The following GNAQ variants were observed in gnomAD, a reference collection of about 807,000 sequenced individuals.
GNAQ encodes the protein G protein subunit alpha q.
In GNAQ, 8 loss-of-function variants were observed where a neutral mutation model predicts 43.9. The ratio of observed to expected loss-of-function variants is 0.18; its 90% CI spans 0.11 to 0.33. The LOEUF (loss-of-function observed/expected upper bound fraction) is 0.33. Among genes scored for constraint, GNAQ ranks in the 10% least tolerant of loss-of-function variants. The probability of loss-of-function intolerance (pLI) is 1.00; values close to 1 mark genes in which losing one functional copy is unlikely to be tolerated. For synonymous variants in GNAQ, 155 were observed against 170.7 expected, an observed-to-expected ratio of 0.91 and a Z score of 0.71; for missense variants, 158 against 450.8, an observed-to-expected ratio of 0.35 and a Z score of 5.88.
chr9:77,932,902 G>T (rs1363001140), intron 1 of GNAQ, among the ~76,000 whole-genome samples: 1 of 152,150 alleles, frequency 6.6e-6, no homozygotes, highest in African/African-American at 2.4e-5. Flanking sequence ...GTCTGTGTGG[G>T]GCTGACAAGG....
chr9:77,939,099 C>T (rs577796480), intron 1 of GNAQ, among the ~76,000 whole-genome samples: 2 of 152,304 alleles, frequency 1.3e-5, no homozygotes, highest in African/African-American at 4.8e-5. Flanking sequence ...GTTTATCCCA[C>T]CTTCCAGTGT....
intron 1 of GNAQ, 137 bp from the exon 2 acceptor site, chr9:77,922,482 T>C (rs1829013679): frequency 4.7e-6 from 3 of 635,872 alleles, no homozygotes; most frequent in Non-Finnish European, 8.4e-6. Flanking sequence ...TTGGAAACAC[T>C]ACCTATGGTG....
At chr9:77,890,272 GTTTGACTGAAAGAC>G (rs945696613) in intron 2 of GNAQ, among the ~76,000 whole-genome samples, 1 of 152,174 alleles carries the variant, frequency 6.6e-6, no homozygotes, top group Non-Finnish European at 1.5e-5. Flanking sequence ...AAACTTGAGA[GTTTGACTGAAAGAC>G]TTCATAATAA....
intron 1 of GNAQ, among the ~76,000 whole-genome samples, chr9:77,959,224 G>A (rs1823078297): frequency 6.6e-6 from 1 of 152,076 alleles, no homozygotes; most frequent in South Asian, 2.1e-4. Flanking sequence ...TACTCACATT[G>A]TCCTGTCATT....
chr9:77,967,296 C>T (rs112592800), intron 1 of GNAQ, among the ~76,000 whole-genome samples: 3 of 152,222 alleles, frequency 2.0e-5, no homozygotes, highest in African/African-American at 7.2e-5. Flanking sequence ...GTGGCCACTC[C>T]GTGCTTTTAA....
At chr9:77,775,538 T>C (rs1459814378) in intron 5 of GNAQ, among the ~76,000 whole-genome samples, 1 of 151,654 alleles carries the variant, frequency 6.6e-6, no homozygotes, top group Non-Finnish European at 1.5e-5. Context: ...GCCTCCCGAG[T>C]AGCTGGGACT....
chr9:77,936,453 G>A (rs115394489), intron 1 of GNAQ, among the ~76,000 whole-genome samples: 2,206 of 152,014 alleles, frequency 0.015, 53 homozygotes, highest in African/African-American at 0.05. Flanking sequence ...AAAACGATCA[G>A]AAACCAACTG....
At chr9:77,909,287 T>C (rs1338821102) in intron 2 of GNAQ, among the ~76,000 whole-genome samples, 1 of 152,172 alleles carries the variant, frequency 6.6e-6, no homozygotes, top group African/African-American at 2.4e-5. Context: ...ATTAATACAA[T>C]CAAACAGCTA....
chr9:77,855,786 T>C (rs903018785), intron 2 of GNAQ, among the ~76,000 whole-genome samples: 1 of 152,126 alleles, frequency 6.6e-6, no homozygotes, highest in Admixed American at 6.6e-5. Context: ...CCTCTGCCAT[T>C]TGCTATAAAA....
chr9:77,748,172 C>T (rs759552100), intron 5 of GNAQ, among the ~76,000 whole-genome samples: 6 of 152,098 alleles, frequency 3.9e-5, no homozygotes, highest in South Asian at 4.1e-4. Flanking sequence ...GACATAATAA[C>T]GGAATAAATA....
At chr9:77,870,438 C>T (rs1463851382) in intron 2 of GNAQ, among the ~76,000 whole-genome samples, 3 of 149,002 alleles carry the variant, frequency 2.0e-5, no homozygotes, top group Admixed American at 6.8e-5. Flanking sequence ...TCACGTCATT[C>T]TCCTGCCTCA....
intron 1 of GNAQ, among the ~76,000 whole-genome samples, chr9:77,945,519 A>T (rs1388781822): frequency 6.6e-6 from 1 of 152,214 alleles, no homozygotes; most frequent in Non-Finnish European, 1.5e-5. Context: ...AGGAAAACAG[A>T]AAAAGCCTTC....
At chr9:77,780,895 CTG>C (rs1184105330) in intron 5 of GNAQ, among the ~76,000 whole-genome samples, 5 of 149,694 alleles carry the variant, frequency 3.3e-5, no homozygotes, top group African/African-American at 7.3e-5. Context: ...TATTTGTTGA[CTG>C]TGTGTCTTCC....
Position 78,023,375 on chromosome 9 carries a change from G to T in GNAQ, c.136+7725C>A, listed in dbSNP as rs541837600. 2.6e-5 allele frequency among the ~76,000 whole-genome samples: 4 copies of T among 152,226 alleles called. 1 individual carries two copies. The South Asian group carries it at 8.3e-4, about 32-fold the overall frequency. On this transcript the variant is annotated intron_variant, in intron 1 of 6. Coordinates refer to ENST00000286548, the MANE Select transcript of GNAQ (RefSeq NM_002072.5). ...AACTTGGAAGTTCTCTAAATCGTAT[G>T]CAAATGTGCAAGTCAGAGAATCTGA...
At chr9:77,770,635 C>G (rs182245935) in intron 5 of GNAQ, among the ~76,000 whole-genome samples, 1 of 152,310 alleles carries the variant, frequency 6.6e-6, no homozygotes, top group East Asian at 1.9e-4. Flanking sequence ...TCGGACTGCC[C>G]TAAATTACCT....
At chr9:77,921,289 G>T (rs912432825) in intron 2 of GNAQ, among the ~76,000 whole-genome samples, 1 of 152,212 alleles carries the variant, frequency 6.6e-6, no homozygotes, top group Non-Finnish European at 1.5e-5. Context: ...CCCTTGGGCT[G>T]GTAGCCTCAG....
At chr9:77,832,220 G>GA (rs1827310807) in intron 2 of GNAQ, among the ~76,000 whole-genome samples, 1 of 151,930 alleles carries the variant, frequency 6.6e-6, no homozygotes, top group African/African-American at 2.4e-5. Context: ...AGGGGAGCTG[G>GA]AAAATGAAAA....
chr9:77,854,455 G>A (rs1008876893), intron 2 of GNAQ, among the ~76,000 whole-genome samples: 2 of 152,198 alleles, frequency 1.3e-5, no homozygotes, highest in Non-Finnish European at 2.9e-5. Flanking sequence ...CTAAACACAG[G>A]TTAAGTGGCA....
At chr9:78,026,961 T>G (rs1187363510) in intron 1 of GNAQ, among the ~76,000 whole-genome samples, 1 of 152,180 alleles carries the variant, frequency 6.6e-6, no homozygotes, top group Non-Finnish European at 1.5e-5. Context: ...TATTAAAAAT[T>G]CACTGAGCCC....
Sources: allele counts gnomAD v4.1 joint callset (sites outside exome capture counted in the v4.1 genomes callset), GRCh38; gene constraint gnomAD v4.1.1; transcripts MANE v1.5; gene names NCBI Gene and HGNC (gene_info 2026-07-23, HGNC 2026-07-21).